The following NEIL2 variants were observed in gnomAD, a reference collection of about 807,000 sequenced individuals.
The protein encoded by NEIL2 is nei like DNA glycosylase 2, also known as endonuclease 8-like 2.
A neutral mutation model predicts 22.2 loss-of-function variants in NEIL2; 23 were observed. The ratio of observed to expected loss-of-function variants is 1.04; its 90% confidence interval spans 0.75 to 1.47. NEIL2 has a LOEUF of 1.47. Ranked by LOEUF, NEIL2 falls within the 40% of genes most tolerant of loss-of-function variation. The pLI is 0.00. For missense variants in NEIL2, 583 were observed against 404.7 expected (o/e 1.44, Z -3.78); for synonymous variants, 229 against 164.8 (o/e 1.39, Z -2.99).
intron 2 of NEIL2, among the ~76,000 whole-genome samples, chr8:11,774,261 G>C (rs1012406642): frequency 6.6e-6 from 1 of 152,042 alleles, no homozygotes; most frequent in African/African-American, 2.4e-5. Context: ...TGTAATCCCA[G>C]CTACTTGGGA....
chr8:11,777,403 A>C (rs1345732342), intron 2 of NEIL2, among the ~76,000 whole-genome samples: 1 of 151,988 alleles, frequency 6.6e-6, no homozygotes, highest in Non-Finnish European at 1.5e-5. Context: ...CACATAACAA[A>C]CTTTACTGTC....
At chr8:11,772,407 G>A (rs944413285) in intron 2 of NEIL2, among the ~76,000 whole-genome samples, 18 of 152,268 alleles carry the variant, frequency 1.2e-4, no homozygotes, top group African/African-American at 4.1e-4. Context: ...GCTGCCCCCT[G>A]CTCAAGCACT....
chr8:11,771,300 C>G, intron 1 of NEIL2, 146 bp from the exon 2 acceptor site: 2 of 974,480 alleles, frequency 2.1e-6, no homozygotes, highest in South Asian at 2.8e-5. Flanking sequence ...TGACCGCCTC[C>G]CAGCCACACT....
chr8:11,772,879 A>T (rs1803590338), intron 2 of NEIL2, among the ~76,000 whole-genome samples: 1 of 152,208 alleles, frequency 6.6e-6, no homozygotes. Context: ...CGGGTACTCC[A>T]TAAGTACTAG....
intron 2 of NEIL2, among the ~76,000 whole-genome samples, chr8:11,778,290 G>GTTTTTTTTTTTTTTTTTTTTT (rs34908835): frequency 3.1e-5 from 4 of 130,302 alleles, no homozygotes; most frequent in Non-Finnish European, 6.6e-5. Context: ...TCCTTGCTCA[G>GTTTTTTTTTTTTTTTTTTTTT]TTTTTTTTTT....
At chr8:11,777,273 A>C (rs560639614) in intron 2 of NEIL2, among the ~76,000 whole-genome samples, 69 of 152,054 alleles carry the variant, frequency 4.5e-4, no homozygotes, top group African/African-American at 1.7e-3. Flanking sequence ...GATTACAGGC[A>C]TGAGCCACTG....
chr8:11,774,738 A>G (rs532008292), intron 2 of NEIL2, among the ~76,000 whole-genome samples: 1 of 152,366 alleles, frequency 6.6e-6, no homozygotes, highest in East Asian at 1.9e-4. Flanking sequence ...GGCATTGGGT[A>G]AATACACCTG....
intron 2 of NEIL2, among the ~76,000 whole-genome samples, chr8:11,772,835 G>A (rs917351097): frequency 1.3e-5 from 2 of 152,156 alleles, no homozygotes; most frequent in African/African-American, 4.8e-5. Flanking sequence ...TCTTAAAGTT[G>A]TTGTTTTAAG....
At chr8:11,775,334 T>A (rs1327073220) in intron 2 of NEIL2, among the ~76,000 whole-genome samples, 2 of 152,148 alleles carry the variant, frequency 1.3e-5, no homozygotes, top group Admixed American at 6.5e-5. Context: ...CAGCCTGGGT[T>A]GTACATTGGC....
At chr8:11,782,053 G>A (rs1306810308) in intron 3 of NEIL2, among the ~76,000 whole-genome samples, 1 of 151,970 alleles carries the variant, frequency 6.6e-6, no homozygotes, top group Admixed American at 6.6e-5. Flanking sequence ...AACAGAGCAA[G>A]ACCCTATTTC....
intron 2 of NEIL2, among the ~76,000 whole-genome samples, chr8:11,774,334 C>G (rs964248064): frequency 1.3e-5 from 2 of 152,138 alleles, no homozygotes; most frequent in South Asian, 2.1e-4. Flanking sequence ...GAGATCGCAC[C>G]TGCGCTCCAG....
At position 11,786,545 on chromosome 8, in the gene NEIL2, C is replaced by G. The variant is rs758425063; in HGVS notation, c.*272C>G. 1.3e-4 allele frequency: 65 copies of G among 518,202 alleles called. No homozygotes were observed. Among genetic ancestry groups the G allele is most frequent in the Admixed American group, 1.0e-3 (32 of 31,326 alleles). 32.1% of individuals were successfully genotyped at this position (518,202 alleles called of 1,614,324 possible). A position where few individuals can be genotyped will look rare whatever the true frequency, so the allele number is the denominator to read the frequency against. ...ATCGTGATGATGGGTAAGGGGAAAA[C>G]TTCCCGGAAGGCAATGGGGCAAGGA... On this transcript the variant is annotated 3_prime_UTR_variant, in exon 5 of 5. Transcript: ENST00000284503.
At chr8:11,771,613 G>T (rs753830025) in intron 2 of NEIL2, 28 bp downstream of exon 2, 41 of 1,601,680 alleles carry the variant, frequency 2.6e-5, no homozygotes, top group Non-Finnish European at 3.2e-5. Flanking sequence ...TGAAGGGTTG[G>T]CTCTGTCGCC....
Position 11,779,724 on chromosome 8 carries a change from G to A in NEIL2, c.265G>A (p.Val89Ile). ...QKEGAADPKQ[V>I]GEPSGQKTLD... ...GGAAGGGGCTGCGGACCCAAAGCAG[G>A]TCGGGGAGCCCAGCGGGCAGAAGAC... The change falls in exon 3 of 5, where the codon GTC becomes ATC. Residue 89 changes from valine (V) to isoleucine (I), a missense_variant. By Grantham distance (29) the Val-to-Ile change is conservative (BLOSUM62 3). Transcript: ENST00000284503. 7 of 1,614,212 alleles carry A rather than the reference G, an allele frequency of 4.3e-6. No homozygotes were observed. The highest frequency in any genetic ancestry group is 5.9e-6 in the Non-Finnish European group (7 of 1,180,036).
rs761953619 is a variant in NEIL2, at chr8:11,783,294, G to A, written c.583G>A (p.Asp195Asn). 1 of 1,614,214 alleles carries A rather than the reference G, an allele frequency of 6.2e-7. No homozygotes were observed. Among genetic ancestry groups the A allele is most frequent in the East Asian group, 2.2e-5 (1 of 44,890 alleles). ...TTCCCCAGTGGTCACACCCACCTGT[G>A]ACATCCTGTCTGAGAAGTTCCATCG... ...SSSPVVTPTCDILSEKFHRGQ... is the reference protein window; with the variant it reads ...SSSPVVTPTCNILSEKFHRGQ... Residue 195 changes from aspartate to asparagine, a missense_variant, in exon 4 of 5, where the codon GAC becomes AAC. By Grantham distance (23) the Asp-to-Asn change is conservative (BLOSUM62 1). Transcript: ENST00000284503.
intron 4 of NEIL2, among the ~76,000 whole-genome samples, chr8:11,783,902 T>A (rs1804669301): frequency 6.6e-6 from 1 of 152,250 alleles, no homozygotes; most frequent in Non-Finnish European, 1.5e-5. Flanking sequence ...GCGACGCGAG[T>A]GAAGAAGCTG....
chr8:11,777,059 C>T (rs573826283), intron 2 of NEIL2, among the ~76,000 whole-genome samples: 3 of 152,204 alleles, frequency 2.0e-5, no homozygotes, highest in South Asian at 2.1e-4. Flanking sequence ...CCTCTGCCCT[C>T]CACTCTTCTT....
intron 2 of NEIL2, among the ~76,000 whole-genome samples, chr8:11,778,771 G>A (rs541626854): frequency 6.6e-6 from 1 of 151,910 alleles, no homozygotes; most frequent in Non-Finnish European, 1.5e-5. Context: ...TGCTAACGTG[G>A]TGAGACGTGG....
intron 3 of NEIL2, among the ~76,000 whole-genome samples, chr8:11,781,595 C>G (rs1016791476): frequency 2.6e-5 from 4 of 152,218 alleles, no homozygotes; most frequent in Non-Finnish European, 5.9e-5. Flanking sequence ...CCTAGGTTTT[C>G]AGATATAGTG....
Sources: allele counts gnomAD v4.1 joint callset (sites outside exome capture counted in the v4.1 genomes callset), GRCh38; gene constraint gnomAD v4.1.1; transcripts MANE v1.5; gene names NCBI Gene and HGNC (gene_info 2026-07-23, HGNC 2026-07-21).